PXDNL: variants seen among roughly 807,000 people sequenced by gnomAD.
PXDNL encodes the protein peroxidasin like, also known as probable oxidoreductase PXDNL.
Under a neutral mutation model 150.8 loss-of-function variants are expected in PXDNL, and 145 were observed. The observed-to-expected ratio is 0.96, with a 90% CI of 0.84 to 1.10. PXDNL has a LOEUF of 1.10. Among genes scored for constraint, PXDNL ranks in the 50% least tolerant of loss-of-function variants. The probability of loss-of-function intolerance (pLI) is 0.00; values close to 1 mark genes in which losing one functional copy is unlikely to be tolerated. For missense variants in PXDNL, 2,087 were observed against 1,873.9 expected (o/e 1.11, Z -2.10); for synonymous variants, 757 against 725.7 (o/e 1.04, Z -0.69).
At chr8:51,543,600 T>C (rs1448535317) in intron 4 of PXDNL, among the ~76,000 whole-genome samples, 1 of 150,146 alleles carries the variant, frequency 6.7e-6, no homozygotes, top group Admixed American at 6.7e-5. Flanking sequence ...TAATCCCAGA[T>C]ACTTGGGAGG....
At chr8:51,442,017 GC>G (rs1809563398) in intron 12 of PXDNL, among the ~76,000 whole-genome samples, 1 of 152,008 alleles carries the variant, frequency 6.6e-6, no homozygotes, top group Admixed American at 6.6e-5. Context: ...CAGTCAGCAG[GC>G]TTTTCTTCTC....
chr8:51,782,625 A>G (rs950552354), intron 1 of PXDNL, among the ~76,000 whole-genome samples: 1 of 152,182 alleles, frequency 6.6e-6, no homozygotes, highest in East Asian at 1.9e-4. Flanking sequence ...ATCTCTTCTC[A>G]TATGTATTGA....
intron 1 of PXDNL, among the ~76,000 whole-genome samples, chr8:51,715,884 T>C (rs958673399): frequency 2.6e-5 from 4 of 151,906 alleles, no homozygotes; most frequent in African/African-American, 9.7e-5. Context: ...GTAAATGACA[T>C]TACCTGAAAG....
intron 19 of PXDNL, among the ~76,000 whole-genome samples, chr8:51,363,826 A>T (rs943952769): frequency 6.6e-6 from 1 of 152,166 alleles, no homozygotes; most frequent in Non-Finnish European, 1.5e-5. Context: ...AAGCTTTCCC[A>T]TGCACAAGGG....
At chr8:51,407,133 T>C (rs1341321205) in intron 17 of PXDNL, among the ~76,000 whole-genome samples, 1 of 152,204 alleles carries the variant, frequency 6.6e-6, no homozygotes, top group African/African-American at 2.4e-5. Flanking sequence ...AACCAGGTCT[T>C]CGTGAATCCA....
chr8:51,411,775 T>C (rs1808659964), intron 15 of PXDNL, among the ~76,000 whole-genome samples: 1 of 152,136 alleles, frequency 6.6e-6, no homozygotes, highest in Non-Finnish European at 1.5e-5. Context: ...TCTGCAGGAC[T>C]TGGCATTTTG....
chr8:51,499,216 G>A (rs934919813), intron 5 of PXDNL, among the ~76,000 whole-genome samples: 4 of 152,104 alleles, frequency 2.6e-5, no homozygotes, highest in Admixed American at 1.3e-4. Context: ...TGCAACCTAC[G>A]CCTCCCGGAC....
chr8:51,711,685 AG>A (rs1816502292), intron 1 of PXDNL, among the ~76,000 whole-genome samples: 2 of 152,240 alleles, frequency 1.3e-5, no homozygotes, highest in South Asian at 4.1e-4. Flanking sequence ...TGTTTTGTTA[AG>A]GAACTTTGTA....
chr8:51,502,285 GAC>G (rs1327481742), intron 4 of PXDNL, among the ~76,000 whole-genome samples: 3 of 152,182 alleles, frequency 2.0e-5, no homozygotes, highest in Non-Finnish European at 2.9e-5. Flanking sequence ...AGGCTCAGCT[GAC>G]ACAGATCACC....
At chr8:51,344,009 G>A (rs970831112) in intron 20 of PXDNL, among the ~76,000 whole-genome samples, 4 of 152,090 alleles carry the variant, frequency 2.6e-5, no homozygotes, top group Non-Finnish European at 5.9e-5. Flanking sequence ...TTCACTCTTT[G>A]CCTCAACCTT....
At chr8:51,331,828 C>T (rs950770912) in intron 21 of PXDNL, among the ~76,000 whole-genome samples, 1 of 152,118 alleles carries the variant, frequency 6.6e-6, no homozygotes, top group African/African-American at 2.4e-5. Flanking sequence ...CACAGCAGCG[C>T]AGCAAGACTG....
intron 6 of PXDNL, among the ~76,000 whole-genome samples, chr8:51,482,514 T>C (rs1178371514): frequency 2.0e-5 from 3 of 152,074 alleles, no homozygotes; most frequent in Admixed American, 6.5e-5. Flanking sequence ...TGTTTTCAAA[T>C]GTGAGGATAT....
At chr8:51,533,067 G>A (rs953935101) in intron 4 of PXDNL, among the ~76,000 whole-genome samples, 1 of 152,146 alleles carries the variant, frequency 6.6e-6, no homozygotes, top group African/African-American at 2.4e-5. Context: ...CAGAAACATG[G>A]CCCCATACTA....
intron 3 of PXDNL, among the ~76,000 whole-genome samples, chr8:51,564,723 T>A (rs1460371073): frequency 1.3e-5 from 2 of 151,742 alleles, no homozygotes; most frequent in Admixed American, 1.3e-4. Context: ...AATTAGGAAA[T>A]CATAATTTTG....
chr8:51,452,929 C>CAAACACAT (rs1453245895), intron 10 of PXDNL, among the ~76,000 whole-genome samples: 11 of 137,428 alleles, frequency 8.0e-5, no homozygotes, highest in Non-Finnish European at 1.7e-4. Flanking sequence ...CAAACGCACA[C>CAAACACAT]ACACAAACAC....
intron 3 of PXDNL, among the ~76,000 whole-genome samples, chr8:51,569,867 C>T (rs1001110481): frequency 2.0e-5 from 3 of 151,826 alleles, no homozygotes; most frequent in Admixed American, 2.0e-4. Context: ...TTCTAAAGTG[C>T]CTTGCTTGAG....
intron 1 of PXDNL, among the ~76,000 whole-genome samples, chr8:51,788,364 A>G (rs1022256146): frequency 6.6e-6 from 1 of 152,234 alleles, no homozygotes; most frequent in East Asian, 1.9e-4. Context: ...TCTCCAAAGG[A>G]AAGTCCCCTG....
chr8:51,414,340 A>G (rs1340294138), intron 14 of PXDNL, among the ~76,000 whole-genome samples: 8 of 152,050 alleles, frequency 5.3e-5, no homozygotes, highest in South Asian at 2.1e-4. Context: ...TATTATGACC[A>G]TCTATATAGC....
At chr8:51,491,994 T>A (rs1810906775) in intron 5 of PXDNL, among the ~76,000 whole-genome samples, 2 of 152,296 alleles carry the variant, frequency 1.3e-5, no homozygotes, top group Non-Finnish European at 2.9e-5. Flanking sequence ...TGATCACATG[T>A]CTCCAGCACA....
Sources: allele counts gnomAD v4.1 joint callset (sites outside exome capture counted in the v4.1 genomes callset), GRCh38; gene constraint gnomAD v4.1.1; transcripts MANE v1.5; gene names NCBI Gene and HGNC (gene_info 2026-07-23, HGNC 2026-07-21).